SCHIP1: variants seen among roughly 807,000 people sequenced by gnomAD.
The protein encoded by SCHIP1 is schwannomin interacting protein 1, also known as schwannomin-interacting protein 1.
In SCHIP1, 8 loss-of-function variants were observed where a neutral mutation model predicts 29.7. That is an observed-to-expected ratio of 0.27 (90% CI 0.16 to 0.49). The LOEUF is 0.49. Among genes scored for constraint, SCHIP1 ranks in the 20% least tolerant of loss-of-function variants. The pLI is 0.99. For synonymous variants in SCHIP1, 76 were observed against 94.9 expected (o/e 0.80, Z 1.16); for missense variants, 193 against 294.6 (o/e 0.66, Z 2.52).
the SCHIP1 span, among the ~76,000 whole-genome samples, chr3:159,692,031 T>C: frequency 6.9e-6 from 1 of 144,510 alleles, no homozygotes; most frequent in Non-Finnish European, 1.5e-5. Flanking sequence ...TTTTTTTTTT[T>C]TTTTTTTTGA....
At chr3:159,762,267 C>T in the SCHIP1 span, among the ~76,000 whole-genome samples, 1 of 152,166 alleles carries the variant, frequency 6.6e-6, no homozygotes, top group East Asian at 1.9e-4. Context: ...GACCGGAAGG[C>T]CCCTTTTCCA....
chr3:159,751,579 C>T, the SCHIP1 span, among the ~76,000 whole-genome samples: 366 of 150,992 alleles, frequency 2.4e-3, 13 homozygotes, highest in East Asian at 0.059. Flanking sequence ...GAGTCTCACC[C>T]TGTCACACAG....
intron 1 of SCHIP1, among the ~76,000 whole-genome samples, chr3:159,859,043 T>C (rs2109185913): frequency 6.6e-6 from 1 of 152,332 alleles, no homozygotes. Flanking sequence ...TACTATCCGT[T>C]CAGTGATGCA....
At chr3:159,532,189 G>A in the SCHIP1 span, among the ~76,000 whole-genome samples, 1 of 152,010 alleles carries the variant, frequency 6.6e-6, no homozygotes, top group South Asian at 2.1e-4. Flanking sequence ...CTTTCTGTAG[G>A]CAAGATGCCG....
At chr3:159,444,995 G>C in the SCHIP1 span, among the ~76,000 whole-genome samples, 6 of 152,026 alleles carry the variant, frequency 3.9e-5, no homozygotes, top group East Asian at 3.9e-4. Flanking sequence ...AACACCAAAA[G>C]CAATGGCAAC....
chr3:159,427,071 C>G, the SCHIP1 span, among the ~76,000 whole-genome samples: 2 of 152,168 alleles, frequency 1.3e-5, no homozygotes, highest in Admixed American at 1.3e-4. Flanking sequence ...AACCCACAGC[C>G]AATATCATAC....
the SCHIP1 span, among the ~76,000 whole-genome samples, chr3:159,325,371 T>C: frequency 6.6e-6 from 1 of 152,282 alleles, no homozygotes; most frequent in African/African-American, 2.4e-5. Context: ...CATTCGTCTG[T>C]AAGTTTACAC....
chr3:159,627,473 CTAT>C, the SCHIP1 span, among the ~76,000 whole-genome samples: 2 of 152,122 alleles, frequency 1.3e-5, no homozygotes, highest in Admixed American at 1.3e-4. Context: ...GAGGGAAGTA[CTAT>C]TATAATTCCC....
At chr3:159,519,892 T>C in the SCHIP1 span, among the ~76,000 whole-genome samples, 1 of 151,130 alleles carries the variant, frequency 6.6e-6, no homozygotes, top group Non-Finnish European at 1.5e-5. Context: ...TATATGTATG[T>C]ATGCATGTAC....
At chr3:159,630,293 C>G in the SCHIP1 span, among the ~76,000 whole-genome samples, 1 of 152,094 alleles carries the variant, frequency 6.6e-6, no homozygotes, top group South Asian at 2.1e-4. Flanking sequence ...TGTATGACCT[C>G]ATCTACAGAA....
chr3:159,557,851 A>G, the SCHIP1 span, among the ~76,000 whole-genome samples: 1 of 152,248 alleles, frequency 6.6e-6, no homozygotes, highest in Non-Finnish European at 1.5e-5. Context: ...AACTTTCCTC[A>G]AAACAAGATT....
chr3:159,402,275 G>T, the SCHIP1 span, among the ~76,000 whole-genome samples: 1 of 152,128 alleles, frequency 6.6e-6, no homozygotes. Context: ...AAAAAGTCAG[G>T]AAACAACAGG....
At position 159,859,364 on chromosome 3, in the gene SCHIP1, A is replaced by G. The variant is rs150492360; in HGVS notation, c.31-6799A>G. 3.1e-3 allele frequency among the ~76,000 whole-genome samples: 476 copies of G among 152,332 alleles called. 2 individuals carry two copies. Among genetic ancestry groups the G allele is most frequent in the African/African-American group, 0.011 (453 of 41,572 alleles). On this transcript the variant is annotated intron_variant, in intron 1 of 6. Coordinates refer to ENST00000445224, the Ensembl canonical transcript of SCHIP1. ...TTTACATAACAAACAAGTAAGTTCT[A>G]TACTTCTGGTTCATAATGTTTAAGA...
At chr3:159,590,290 T>C in the SCHIP1 span, among the ~76,000 whole-genome samples, 1 of 152,024 alleles carries the variant, frequency 6.6e-6, no homozygotes, top group Non-Finnish European at 1.5e-5. Context: ...ACCAAACCAG[T>C]AGAGCTTTTC....
the SCHIP1 span, among the ~76,000 whole-genome samples, chr3:159,489,973 G>A: frequency 1.3e-5 from 2 of 152,242 alleles, no homozygotes; most frequent in East Asian, 3.9e-4. Flanking sequence ...TACCTCTGGA[G>A]AGAAGAGGGG....
the SCHIP1 span, among the ~76,000 whole-genome samples, chr3:159,530,781 C>T: frequency 6.6e-6 from 1 of 152,168 alleles, no homozygotes; most frequent in African/African-American, 2.4e-5. Flanking sequence ...GACAAGGAGG[C>T]CTTATTGTCT....
At chr3:159,471,860 T>G in the SCHIP1 span, among the ~76,000 whole-genome samples, 3 of 152,288 alleles carry the variant, frequency 2.0e-5, no homozygotes, top group Middle Eastern at 3.4e-3. Context: ...ATGTTATTTT[T>G]AATCACAGCA....
At chr3:159,828,409 GTATATATACGTA>G in the SCHIP1 span, among the ~76,000 whole-genome samples, 3 of 31,834 alleles carry the variant, frequency 9.4e-5, no homozygotes, top group South Asian at 8.9e-4. Flanking sequence ...ATATATATAC[GTATATATACGTA>G]TATATATACG....
chr3:159,440,019 G>A, the SCHIP1 span, among the ~76,000 whole-genome samples: 12 of 152,016 alleles, frequency 7.9e-5, no homozygotes, highest in Admixed American at 4.6e-4. Context: ...TTCTTCTAGG[G>A]TTTTTTATAC....
Sources: gnomAD v4.1 joint callset for allele counts (sites outside exome capture counted in the v4.1 genomes callset) on GRCh38, gnomAD v4.1.1 for gene constraint, MANE v1.5 for transcripts, NCBI Gene and HGNC (gene_info 2026-07-23, HGNC 2026-07-21) for gene names.